Variants in C8orf76 observed in about 807,000 individuals in gnomAD.
C8orf76 encodes chromosome 8 open reading frame 76.
A neutral mutation model predicts 38.1 loss-of-function variants in C8orf76; 46 were observed. The observed-to-expected ratio is 1.21, with a 90% CI of 0.95 to 1.54. C8orf76 has a LOEUF of 1.54. Ranked by LOEUF, C8orf76 falls within the 40% of genes most tolerant of loss-of-function variation. The pLI, the probability that C8orf76 is intolerant of heterozygous loss-of-function variation, is 0.00. For synonymous variants in C8orf76, 166 were observed against 167.5 expected, an observed-to-expected ratio of 0.99 and a Z score of 0.07; for missense variants, 461 against 441.6, an observed-to-expected ratio of 1.04 and a Z score of -0.39.
intron 2 of C8orf76, chr8:123,238,704 G>A (rs1020828151): frequency 2.3e-5 from 4 of 174,908 alleles, no homozygotes; most frequent in Non-Finnish European, 4.9e-5. Context: ...ACATCTAGTT[G>A]TTAGTTCTTT....
intron 4 of C8orf76, among the ~76,000 whole-genome samples, chr8:123,228,099 GAGAGACTCTGC>G (rs1825111785): frequency 6.6e-6 from 1 of 152,068 alleles, no homozygotes; most frequent in Admixed American, 6.5e-5. Flanking sequence ...GTGCATCCTC[GAGAGACTCTGC>G]AGAGACTCTT....
intron 3 of C8orf76, among the ~76,000 whole-genome samples, chr8:123,233,585 G>A (rs1337138395): frequency 6.7e-6 from 1 of 150,022 alleles, no homozygotes; most frequent in African/African-American, 2.5e-5. Context: ...TATTAGGGAT[G>A]CGGTTTCACC....
At chr8:123,227,291 CA>C (rs1329827690) in intron 4 of C8orf76, among the ~76,000 whole-genome samples, 1 of 147,888 alleles carries the variant, frequency 6.8e-6, no homozygotes, top group Non-Finnish European at 1.5e-5. Context: ...ACTCAATATG[CA>C]GATTTTCCCC....
intron 4 of C8orf76, among the ~76,000 whole-genome samples, chr8:123,229,804 G>C (rs1825179031): frequency 6.6e-6 from 1 of 152,150 alleles, no homozygotes; most frequent in Non-Finnish European, 1.5e-5. Flanking sequence ...ATCACCTGAG[G>C]TCAGGAGTTC....
intron 5 of C8orf76, among the ~76,000 whole-genome samples, chr8:123,225,495 GA>G (rs1312172851): frequency 6.6e-6 from 1 of 152,164 alleles, no homozygotes; most frequent in Non-Finnish European, 1.5e-5. Context: ...TTCTGTGACA[GA>G]AAAGTAGAAA....
intron 2 of C8orf76, chr8:123,238,800 C>T (rs768695281): frequency 1.2e-5 from 5 of 407,030 alleles, no homozygotes; most frequent in Non-Finnish European, 1.8e-5. Flanking sequence ...AGATTCAGAA[C>T]CTTGAGGAAT....
rs1825270326 is a variant in C8orf76, at chr8:123,231,526, T to G, written c.589A>C (p.Ser197Arg). The G allele has an allele frequency of 1.2e-6, 2 of 1,614,234 alleles. No individual in the cohort carries two copies. The highest frequency in any genetic ancestry group is 1.7e-5 in the Admixed American group (1 of 60,032). Residue 197 changes from serine to arginine, a missense_variant, in exon 4 of 6, where the codon AGT becomes CGT. Physicochemically the swap from Ser to Arg is moderately radical, Grantham distance 110. Coordinates refer to ENST00000276704, the MANE Select transcript of C8orf76 (RefSeq NM_032847.3). Reference sequence around the variant, plus strand: ...AAGAAGGATTTGATAGTTTTGTCACTTGAGGTGAAACTGTGCTGTTTCTGA... The same window carrying G: ...AAGAAGGATTTGATAGTTTTGTCACGTGAGGTGAAACTGTGCTGTTTCTGA... ...SSQKQHSFTSSDKTIKSFFPH... is the reference protein window; with the variant it reads ...SSQKQHSFTSRDKTIKSFFPH...
At chr8:123,241,097 G>T in intron 1 of C8orf76, 133 bp downstream of exon 1, 1 of 878,040 alleles carries the variant, frequency 1.1e-6, no homozygotes, top group South Asian at 2.0e-5. Context: ...GAGGGACGGC[G>T]GGGGACGCGG....
At chr8:123,226,833 C>T (rs546632537) in intron 4 of C8orf76, among the ~76,000 whole-genome samples, 1 of 152,324 alleles carries the variant, frequency 6.6e-6, no homozygotes, top group Admixed American at 6.5e-5. Context: ...CCCAACTTTA[C>T]ATTGGAGATT....
At chr8:123,233,751 G>A (rs1394801993) in intron 3 of C8orf76, among the ~76,000 whole-genome samples, 4 of 151,948 alleles carry the variant, frequency 2.6e-5, no homozygotes, top group African/African-American at 9.7e-5. Flanking sequence ...TATTTAGGCC[G>A]GGCGTGGTGG....
At chr8:123,226,267 G>C in intron 5 of C8orf76, 1 of 1,362,940 alleles carries the variant, frequency 7.3e-7, no homozygotes, top group East Asian at 3.0e-5. Flanking sequence ...GCAGGCAGGT[G>C]CTAACAAGCA....
intron 5 of C8orf76, among the ~76,000 whole-genome samples, chr8:123,221,406 GC>G (rs1379590320): frequency 6.6e-6 from 1 of 152,154 alleles, no homozygotes; most frequent in Non-Finnish European, 1.5e-5. Context: ...AACGGCCAGG[GC>G]AACAGAGCAA....
intron 4 of C8orf76, 129 bp from the exon 5 acceptor site, chr8:123,226,761 G>A: frequency 7.4e-7 from 1 of 1,355,526 alleles, no homozygotes. Flanking sequence ...TTAAAAAGCA[G>A]GTACCCACCC....
rs532233177 is a variant in C8orf76, at chr8:123,227,256, C to CTTT, written c.816-627_816-625dup. 1.6e-3 allele frequency among the ~76,000 whole-genome samples: 217 copies of CTTT among 139,688 alleles called. 3 individuals carry two copies. The highest frequency in any genetic ancestry group is 5.3e-3 in the African/African-American group (202 of 38,092). 91.6% of individuals were successfully genotyped at this position (139,688 alleles called of 152,430 possible). A position where few individuals can be genotyped will look rare whatever the true frequency, so the allele number is the denominator to read the frequency against. ...TCCTCCTGTCTTCCTCATTTGGCTC[C>CTTT]TTTTTTTTTTTTTTTTTAATAAATA... On this transcript the variant is annotated intron_variant, in intron 4 of 5. Coordinates refer to ENST00000276704, the MANE Select transcript of C8orf76 (RefSeq NM_032847.3).
At chr8:123,236,455 G>T (rs946080937) in intron 3 of C8orf76, among the ~76,000 whole-genome samples, 1 of 152,052 alleles carries the variant, frequency 6.6e-6, no homozygotes, top group African/African-American at 2.4e-5. Flanking sequence ...AAAAAATTCC[G>T]CTTTAGAATG....
chr8:123,226,438 A>G (rs750313551), intron 5 of C8orf76, 62 bp downstream of exon 5: 40 of 1,592,740 alleles, frequency 2.5e-5, no homozygotes, highest in Middle Eastern at 1.7e-4. Context: ...AAAAAATGCT[A>G]TCAGAGCCAG....
chr8:123,230,027 A>G (rs1825193246), intron 4 of C8orf76, among the ~76,000 whole-genome samples: 1 of 152,168 alleles, frequency 6.6e-6, no homozygotes, highest in South Asian at 2.1e-4. Context: ...AAAAAAAATA[A>G]TAATAATAAA....
chr8:123,229,645 G>A lies in C8orf76; in HGVS notation c.815+1655C>T, dbSNP rs111906266. On this transcript the variant is annotated intron_variant, in intron 4 of 5. Transcript: ENST00000276704. ...GATCCTAGCACCAAGCACATGTCTG[G>A]CACACGGTTGTCATTCAATGTGCCT... 1.5e-3 allele frequency among the ~76,000 whole-genome samples: 236 copies of A among 152,290 alleles called. 1 individual carries two copies. The highest frequency in any genetic ancestry group is 5.6e-3 in the African/African-American group (233 of 41,566).
chr8:123,237,687 C>T, intron 3 of C8orf76, 111 bp downstream of exon 3: 4 of 1,385,380 alleles, frequency 2.9e-6, no homozygotes, highest in Non-Finnish European at 3.8e-6. Flanking sequence ...TTCTGCTTAT[C>T]CAAACCCATA....
Sources: allele counts gnomAD v4.1 joint callset (sites outside exome capture counted in the v4.1 genomes callset), GRCh38; gene constraint gnomAD v4.1.1; transcripts MANE v1.5; gene names NCBI Gene and HGNC (gene_info 2026-07-23, HGNC 2026-07-21).